ARHGAP26: variants seen among roughly 807,000 people sequenced by gnomAD.
ARHGAP26 encodes rho GTPase-activating protein 26.
In ARHGAP26, 38 loss-of-function variants were observed where a neutral mutation model predicts 104.8. The observed-to-expected ratio is 0.36, with a 90% CI of 0.28 to 0.48. The LOEUF is 0.48. Among genes scored for constraint, ARHGAP26 ranks in the 20% least tolerant of loss-of-function variants. The probability of loss-of-function intolerance (pLI) is 0.99; values close to 1 mark genes in which losing one functional copy is unlikely to be tolerated. For synonymous variants in ARHGAP26, 341 were observed against 340.0 expected (o/e 1.00, Z -0.03); for missense variants, 704 against 947.9 (o/e 0.74, Z 3.38).
At chr5:142,854,675 A>G (rs1272040088) in intron 1 of ARHGAP26, among the ~76,000 whole-genome samples, 1 of 152,234 alleles carries the variant, frequency 6.6e-6, no homozygotes, top group Non-Finnish European at 1.5e-5. Context: ...AAGGTCTCCT[A>G]GGATCTGAAT....
chr5:143,164,059 T>TC (rs1170128911), intron 20 of ARHGAP26, among the ~76,000 whole-genome samples: 1 of 151,004 alleles, frequency 6.6e-6, no homozygotes, highest in South Asian at 2.1e-4. Context: ...TTTTTTTTTT[T>TC]CTCCCAAACA....
chr5:142,834,651 A>G (rs953278323), intron 1 of ARHGAP26, among the ~76,000 whole-genome samples: 11 of 152,266 alleles, frequency 7.2e-5, no homozygotes, highest in African/African-American at 2.6e-4. Flanking sequence ...GGGCATCTAC[A>G]TGCTCTGGCA....
intron 10 of ARHGAP26, among the ~76,000 whole-genome samples, chr5:142,917,557 A>T (rs1762655061): frequency 6.6e-6 from 1 of 152,138 alleles, no homozygotes; most frequent in Middle Eastern, 3.4e-3. Context: ...TCTTATATCT[A>T]CTCCTCTGTG....
intron 15 of ARHGAP26, 99 bp from the exon 16 acceptor site, chr5:143,055,929 G>A (rs1184663162): frequency 3.9e-6 from 3 of 776,402 alleles, no homozygotes; most frequent in South Asian, 2.0e-5. Context: ...CTTTGTCTTC[G>A]AGAAATGTAT....
chr5:143,057,588 A>G (rs1278255152), intron 16 of ARHGAP26, 54 bp from the exon 17 acceptor site: 1 of 1,468,556 alleles, frequency 6.8e-7, no homozygotes, highest in Non-Finnish European at 9.4e-7. Flanking sequence ...TTTCAACCTT[A>G]AAGTTGTTTA....
At chr5:142,830,283 G>A (rs1734855875) in intron 1 of ARHGAP26, among the ~76,000 whole-genome samples, 1 of 152,160 alleles carries the variant, frequency 6.6e-6, no homozygotes, top group African/African-American at 2.4e-5. Flanking sequence ...TTACTATCAA[G>A]TATGGATTAA....
intron 11 of ARHGAP26, among the ~76,000 whole-genome samples, chr5:142,970,391 T>A (rs1347257589): frequency 6.6e-6 from 1 of 152,212 alleles, no homozygotes; most frequent in Non-Finnish European, 1.5e-5. Flanking sequence ...ATCTGAAAAT[T>A]CCAGAAGTAG....
rs1428938038 is a variant in ARHGAP26, at chr5:143,228,692, T to C, written c.*6246T>C. On this transcript the variant is annotated 3_prime_UTR_variant, in exon 23 of 23. Coordinates refer to ENST00000645722, the MANE Select transcript of ARHGAP26 (RefSeq NM_001135608.3). ...ATAAAGTACTTATTAAATGGCACTT[T>C]AATGTTTTCTTTTAAAATAACGCAC... is the stretch of plus-strand genomic sequence containing the variant. The C allele has an allele frequency of 1.9e-5, 4 of 206,746 alleles. No individual in the cohort carries two copies. The highest frequency in any genetic ancestry group is 6.0e-5 in the Admixed American group (1 of 16,786). 12.8% of individuals were successfully genotyped at this position (206,746 alleles called of 1,614,324 possible).
At chr5:142,995,673 A>C (rs1219779916) in intron 11 of ARHGAP26, among the ~76,000 whole-genome samples, 1 of 152,220 alleles carries the variant, frequency 6.6e-6, no homozygotes, top group Non-Finnish European at 1.5e-5. Context: ...TGTATATCCA[A>C]AGGATTACAA....
intron 12 of ARHGAP26, among the ~76,000 whole-genome samples, chr5:143,035,711 A>G (rs1249680788): frequency 6.6e-6 from 1 of 152,058 alleles, no homozygotes; most frequent in Non-Finnish European, 1.5e-5. Flanking sequence ...CGAGGCGGGT[A>G]GATCACCTGA....
chr5:142,916,787 A>C (rs1762539871), intron 10 of ARHGAP26, among the ~76,000 whole-genome samples: 1 of 152,204 alleles, frequency 6.6e-6, no homozygotes, highest in South Asian at 2.1e-4. Flanking sequence ...TGCCTTTTTA[A>C]AGGATGTGAA....
At chr5:143,132,743 T>TTGTGGTTAGACCCATAG (rs887789510) in intron 18 of ARHGAP26, among the ~76,000 whole-genome samples, 3 of 152,118 alleles carry the variant, frequency 2.0e-5, no homozygotes, top group African/African-American at 7.2e-5. Flanking sequence ...CAGAACGTGT[T>TTGTGGTTAGACCCATAG]TGCCTCCTTC....
intron 1 of ARHGAP26, among the ~76,000 whole-genome samples, chr5:142,792,117 A>C (rs1337413110): frequency 6.6e-6 from 1 of 152,180 alleles, no homozygotes; most frequent in Non-Finnish European, 1.5e-5. Flanking sequence ...CCTCTCATAC[A>C]TTGTTTGCTG....
chr5:142,960,911 A>G (rs977694738), intron 11 of ARHGAP26, among the ~76,000 whole-genome samples: 2 of 151,560 alleles, frequency 1.3e-5, no homozygotes, highest in African/African-American at 4.9e-5. Flanking sequence ...TCCATAGCTC[A>G]CTCTTTCTTC....
intron 11 of ARHGAP26, among the ~76,000 whole-genome samples, chr5:142,996,136 C>T (rs1244783472): frequency 6.6e-6 from 1 of 152,018 alleles, no homozygotes; most frequent in South Asian, 2.1e-4. Context: ...CACATGTATA[C>T]CTATGTAACA....
chr5:143,159,848 G>A (rs1800967639), intron 20 of ARHGAP26, among the ~76,000 whole-genome samples: 1 of 152,140 alleles, frequency 6.6e-6, no homozygotes, highest in Admixed American at 6.5e-5. Context: ...TTCCCTGAAG[G>A]AGGCAGATGG....
At chr5:142,930,450 A>T (rs1277916524) in intron 10 of ARHGAP26, among the ~76,000 whole-genome samples, 1 of 152,150 alleles carries the variant, frequency 6.6e-6, no homozygotes, top group Non-Finnish European at 1.5e-5. Context: ...GAGAAGAGTT[A>T]TTCCATCTTC....
At chr5:142,924,159 A>G (rs1763588491) in intron 10 of ARHGAP26, among the ~76,000 whole-genome samples, 1 of 152,136 alleles carries the variant, frequency 6.6e-6, no homozygotes, top group South Asian at 2.1e-4. Context: ...TAAATAATTG[A>G]TTAGAAGCTA....
At chr5:143,052,074 G>A (rs1255899385) in intron 14 of ARHGAP26, among the ~76,000 whole-genome samples, 9 of 152,146 alleles carry the variant, frequency 5.9e-5, no homozygotes, top group Non-Finnish European at 1.0e-4. Flanking sequence ...AAATTAAAGT[G>A]GCAGACATTT....
Sources: gnomAD v4.1 joint callset for allele counts (sites outside exome capture counted in the v4.1 genomes callset) on GRCh38, gnomAD v4.1.1 for gene constraint, MANE v1.5 for transcripts, NCBI Gene and HGNC (gene_info 2026-07-23, HGNC 2026-07-21) for gene names.